The following RNF115 variants were observed in gnomAD, a reference collection of about 807,000 sequenced individuals.
The protein encoded by RNF115 is ring finger protein 115.
A neutral mutation model predicts 39.2 loss-of-function variants in RNF115; 31 were observed. The observed-to-expected ratio is 0.79, with a 90% CI of 0.59 to 1.07. The LOEUF (loss-of-function observed/expected upper bound fraction) is 1.07, where lower values mean the gene tolerates loss of function less well. Among genes scored for constraint, RNF115 ranks in the 50% least tolerant of loss-of-function variants. The pLI, the probability that RNF115 is intolerant of heterozygous loss-of-function variation, is 0.00. For synonymous variants in RNF115, 124 were observed against 131.0 expected, an observed-to-expected ratio of 0.95 and a Z score of 0.37; for missense variants, 384 against 381.7, an observed-to-expected ratio of 1.01 and a Z score of -0.05.
intron 4 of RNF115, among the ~76,000 whole-genome samples, chr1:145,764,896 C>T (rs982570725): frequency 6.6e-6 from 1 of 152,182 alleles, no homozygotes; most frequent in South Asian, 2.1e-4. Context: ...CCCCTCTGCC[C>T]GGCCACCACC....
At chr1:145,780,490 C>T (rs982266527) in intron 3 of RNF115, among the ~76,000 whole-genome samples, 5 of 150,742 alleles carry the variant, frequency 3.3e-5, no homozygotes, top group Admixed American at 3.3e-4. Flanking sequence ...CGTGGTGGCA[C>T]GCGCCTGTGG....
chr1:145,763,382 A>T (rs1490701094), intron 4 of RNF115, among the ~76,000 whole-genome samples: 1 of 152,172 alleles, frequency 6.6e-6, no homozygotes, highest in Non-Finnish European at 1.5e-5. Context: ...GTAACAAAAA[A>T]ACAAAAGAGT....
intron 1 of RNF115, among the ~76,000 whole-genome samples, chr1:145,813,423 G>A (rs1553722991): frequency 1.3e-5 from 2 of 152,070 alleles, no homozygotes; most frequent in Non-Finnish European, 2.9e-5. Context: ...TTTTCATTTT[G>A]TTTTCAAACT....
At chr1:145,805,056 A>C (rs1176039178) in intron 1 of RNF115, among the ~76,000 whole-genome samples, 1 of 152,122 alleles carries the variant, frequency 6.6e-6, no homozygotes, top group Non-Finnish European at 1.5e-5. Context: ...TAAAAAAAAA[A>C]CCATCTACCA....
At chr1:145,750,361 G>T in intron 7 of RNF115, 46 bp downstream of exon 7, 2 of 1,427,954 alleles carry the variant, frequency 1.4e-6, no homozygotes, top group African/African-American at 1.4e-5. Flanking sequence ...CCGGGATTTT[G>T]AACCGAGATC....
At chr1:145,783,498 C>A (rs587663072) in intron 3 of RNF115, among the ~76,000 whole-genome samples, 1 of 152,266 alleles carries the variant, frequency 6.6e-6, no homozygotes, top group East Asian at 1.9e-4. Context: ...ACTACTAGTA[C>A]AATTTCAATT....
intron 1 of RNF115, among the ~76,000 whole-genome samples, chr1:145,800,159 C>T (rs1453816884): frequency 6.6e-6 from 1 of 152,174 alleles, no homozygotes; most frequent in Non-Finnish European, 1.5e-5. Flanking sequence ...AAACCATATA[C>T]TGAGCAAACT....
intron 4 of RNF115, among the ~76,000 whole-genome samples, chr1:145,765,740 A>C (rs1647226124): frequency 6.6e-6 from 1 of 152,238 alleles, no homozygotes; most frequent in African/African-American, 2.4e-5. Flanking sequence ...CTAATTAACT[A>C]TCATTCAAAA....
chr1:145,746,915 C>T lies in RNF115; in HGVS notation c.866G>A (p.Ser289Asn). The change falls in exon 9 of 9, where the codon AGC becomes AAC. Residue 289 changes from serine to asparagine, a missense_variant. Coordinates refer to ENST00000582693, the MANE Select transcript of RNF115 (RefSeq NM_014455.4). ...CTGACTGTCATTGCTAAATCTGTTG[C>T]TTGCAGAGGCCTCAGTGCTCTGGCT... ...RQSQSTEASA[S>N]NRFSNDSQLH... 1 of 1,614,090 alleles carries T rather than the reference C, an allele frequency of 6.2e-7. No individual in the cohort carries two copies. The highest frequency in any genetic ancestry group is 1.7e-5 in the Admixed American group (1 of 60,008).
intron 1 of RNF115, among the ~76,000 whole-genome samples, chr1:145,813,624 T>G (rs1178544281): frequency 2.6e-5 from 4 of 152,186 alleles, no homozygotes; most frequent in Non-Finnish European, 5.9e-5. Context: ...ACTGCTATAA[T>G]GGAATTGCAG....
Position 145,763,901 on chromosome 1 carries a change from CCCCTCTCCCTCT to C in RNF115, c.428+7798_428+7809del, listed in dbSNP as rs374861513. Among the ~76,000 whole-genome samples the C allele has an allele frequency of 2.9e-5, 4 of 139,292 alleles. No homozygotes were observed. The East Asian group carries it at 6.8e-4, about 24-fold the overall frequency. The allele number at this position is 139,292 out of a possible 152,430, so 91.4% of individuals were successfully genotyped here. A position where few individuals can be genotyped will look rare whatever the true frequency, so the allele number is the denominator to read the frequency against. On this transcript the variant is annotated intron_variant, in intron 4 of 8. Transcript: ENST00000582693. Reference sequence around the variant, plus strand: ...TTATTTGGCCCTCCCCCTCCCCCTCCCCCTCTCCCTCTCCCCATGGTCTCCCTCTCCCTCTCT... The same window carrying C: ...TTATTTGGCCCTCCCCCTCCCCCTCCCCCCATGGTCTCCCTCTCCCTCTCT...
intron 2 of RNF115, among the ~76,000 whole-genome samples, chr1:145,785,331 G>C (rs1648331670): frequency 6.6e-6 from 1 of 152,186 alleles, no homozygotes; most frequent in African/African-American, 2.4e-5. Context: ...GAGTGTTTAA[G>C]TGTCAGACAT....
chr1:145,774,162 C>T (rs1553716162), intron 3 of RNF115, among the ~76,000 whole-genome samples: 1 of 152,066 alleles, frequency 6.6e-6, no homozygotes, highest in Non-Finnish European at 1.5e-5. Flanking sequence ...CACAGAAGTC[C>T]TACTCTACCA....
chr1:145,804,368 C>G (rs1158776005), intron 1 of RNF115, among the ~76,000 whole-genome samples: 1 of 152,136 alleles, frequency 6.6e-6, no homozygotes, highest in Non-Finnish European at 1.5e-5. Context: ...GAGAACTAAG[C>G]AATGCTTCAG....
chr1:145,795,726 C>A (rs1553719911), intron 1 of RNF115, among the ~76,000 whole-genome samples: 1 of 152,156 alleles, frequency 6.6e-6, no homozygotes, highest in African/African-American at 2.4e-5. Context: ...TATGGTTCTT[C>A]CTGTCATTTG....
chr1:145,784,006 T>C (rs1571749481), intron 3 of RNF115, among the ~76,000 whole-genome samples: 1 of 152,274 alleles, frequency 6.6e-6, no homozygotes, highest in African/African-American at 2.4e-5. Context: ...TATAAGAAGA[T>C]ATAGAAATTA....
intron 1 of RNF115, among the ~76,000 whole-genome samples, chr1:145,807,726 T>C (rs1432528031): frequency 6.6e-6 from 1 of 152,178 alleles, no homozygotes; most frequent in African/African-American, 2.4e-5. Context: ...GAAATATACA[T>C]TGTTGTTAAC....
intron 6 of RNF115, 58 bp from the exon 7 acceptor site, chr1:145,750,558 G>A: frequency 9.2e-6 from 12 of 1,305,204 alleles, no homozygotes; most frequent in Non-Finnish European, 1.3e-5. Flanking sequence ...TCCCTGGAGA[G>A]GGAACTGCTC....
intron 7 of RNF115, 86 bp downstream of exon 7, chr1:145,750,318 TCAC>T: frequency 2.9e-6 from 3 of 1,029,168 alleles, no homozygotes; most frequent in Non-Finnish European, 4.3e-6. Flanking sequence ...TTTATTTTGT[TCAC>T]TTTTTAAACT....
Sources: gnomAD v4.1 joint callset for allele counts (sites outside exome capture counted in the v4.1 genomes callset) on GRCh38, gnomAD v4.1.1 for gene constraint, MANE v1.5 for transcripts, NCBI Gene and HGNC (gene_info 2026-07-23, HGNC 2026-07-21) for gene names.